The following PPM1L variants were observed in gnomAD, a reference collection of about 807,000 sequenced individuals.
PPM1L encodes the protein protein phosphatase, Mg2+/Mn2+ dependent 1L, also known as protein phosphatase 1L.
In PPM1L, 13 loss-of-function variants were observed where a neutral mutation model predicts 31.4. That is an observed-to-expected ratio of 0.41 (90% confidence interval 0.27 to 0.66). PPM1L has a LOEUF of 0.66. PPM1L is among the 30% of genes least tolerant of loss of function. PPM1L has a pLI of 0.29. For synonymous variants in PPM1L, 184 were observed against 175.4 expected, an observed-to-expected ratio of 1.05 and a Z score of -0.39; for missense variants, 326 against 453.7, an observed-to-expected ratio of 0.72 and a Z score of 2.56.
chr3:160,832,768 T>G (rs913436059), intron 1 of PPM1L, among the ~76,000 whole-genome samples: 2 of 152,342 alleles, frequency 1.3e-5, no homozygotes, highest in African/African-American at 2.4e-5. Context: ...TAATTTTTAT[T>G]TTTATTTTAA....
chr3:160,934,403 C>T (rs1389993222), intron 1 of PPM1L, among the ~76,000 whole-genome samples: 1 of 152,112 alleles, frequency 6.6e-6, no homozygotes, highest in African/African-American at 2.4e-5. Flanking sequence ...TTGTTTTTTT[C>T]TCTTCCCTTC....
rs571805799 is a variant in PPM1L at position 160,791,016 on chromosome 3, A to G, written c.399+34309A>G. ...TTAAGTCATCCTTTAGTTTAAAGAGAGATCCAGAAGGTCTTTTGACTTGTA... is the reference window on the plus strand; with the variant it reads ...TTAAGTCATCCTTTAGTTTAAAGAGGGATCCAGAAGGTCTTTTGACTTGTA... On this transcript the variant is annotated intron_variant, in intron 1 of 3. Coordinates refer to ENST00000498165, the MANE Select transcript of PPM1L (RefSeq NM_139245.4). Among the ~76,000 whole-genome samples, 4 of 152,194 alleles carry G rather than the reference A, an allele frequency of 2.6e-5. No individual in the cohort carries two copies. The East Asian group carries it at 7.7e-4, about 29-fold the overall frequency.
At chr3:160,900,058 T>C (rs1713486677) in intron 1 of PPM1L, among the ~76,000 whole-genome samples, 1 of 152,174 alleles carries the variant, frequency 6.6e-6, no homozygotes, top group Non-Finnish European at 1.5e-5. Flanking sequence ...GTGATTATTA[T>C]GTCTTCTTGG....
rs553222135 is a variant in PPM1L at position 160,867,084 on chromosome 3, C to T, written c.400-94652C>T. On this transcript the variant is annotated intron_variant, in intron 1 of 3. Coordinates refer to ENST00000498165, the MANE Select transcript of PPM1L (RefSeq NM_139245.4). ...TGAACTCCTTGGCTCAAGTGGTATA[C>T]CTACTTTGGCCTCCCAAAGTGCTGG... Among the ~76,000 whole-genome samples the T allele has an allele frequency of 2.6e-5, 4 of 152,258 alleles. No homozygotes were observed. In the South Asian group the frequency reaches 8.3e-4, roughly 32 times the overall value.
At chr3:160,830,009 A>T (rs1361785628) in intron 1 of PPM1L, among the ~76,000 whole-genome samples, 1 of 152,160 alleles carries the variant, frequency 6.6e-6, no homozygotes, top group Non-Finnish European at 1.5e-5. Flanking sequence ...TGTCACATAA[A>T]CAGGGCTGAA....
intron 3 of PPM1L, among the ~76,000 whole-genome samples, chr3:161,067,517 CCAA>C (rs1021438927): frequency 2.4e-4 from 37 of 152,350 alleles, no homozygotes; most frequent in African/African-American, 6.7e-4. Flanking sequence ...TATACTGTTT[CCAA>C]CAACAACATT....
intron 2 of PPM1L, among the ~76,000 whole-genome samples, chr3:161,046,100 G>T (rs1464802708): frequency 1.1e-5 from 1 of 89,468 alleles, no homozygotes; most frequent in Non-Finnish European, 1.9e-5. Flanking sequence ...GACAGAGCGA[G>T]ACTCTGTCTC....
chr3:160,930,903 C>G (rs1714765189), intron 1 of PPM1L, among the ~76,000 whole-genome samples: 1 of 152,036 alleles, frequency 6.6e-6, no homozygotes, highest in Admixed American at 6.6e-5. Context: ...TCAAGATTAC[C>G]CCTTGAATTT....
chr3:161,043,068 G>C (rs6808311), intron 2 of PPM1L, among the ~76,000 whole-genome samples: 1 of 146,748 alleles, frequency 6.8e-6, no homozygotes, highest in Non-Finnish European at 1.5e-5. Flanking sequence ...ATCAGTGGTT[G>C]ACTTCATTAC....
At chr3:160,802,145 A>G (rs1293774384) in intron 1 of PPM1L, among the ~76,000 whole-genome samples, 1 of 152,168 alleles carries the variant, frequency 6.6e-6, no homozygotes, top group Non-Finnish European at 1.5e-5. Flanking sequence ...GCCTCCTTGC[A>G]TGGGAAAGGC....
intron 1 of PPM1L, among the ~76,000 whole-genome samples, chr3:160,939,261 C>T (rs1475384400): frequency 1.3e-5 from 2 of 152,162 alleles, no homozygotes; most frequent in African/African-American, 2.4e-5. Context: ...TTCCCTCCAG[C>T]TCTATAACTC....
At position 160,879,391 on chromosome 3, in the gene PPM1L, A is replaced by T. The variant is rs575123797; in HGVS notation, c.400-82345A>T. ...TTTTACCCTAGATTATAATTAAGGG[A>T]ATAGATACCTCAAGTGGAGGGAAGT... On this transcript the variant is annotated intron_variant, in intron 1 of 3. Coordinates refer to ENST00000498165, the MANE Select transcript of PPM1L (RefSeq NM_139245.4). 1.1e-4 allele frequency among the ~76,000 whole-genome samples: 17 copies of T among 152,292 alleles called. No individual in the cohort carries two copies. In the South Asian group the frequency reaches 3.5e-3, roughly 32 times the overall value.
At chr3:160,889,071 C>G (rs1217058599) in intron 1 of PPM1L, among the ~76,000 whole-genome samples, 1 of 151,826 alleles carries the variant, frequency 6.6e-6, no homozygotes, top group Admixed American at 6.6e-5. Flanking sequence ...AAATGAACAC[C>G]CTAACATTAC....
chr3:160,763,857 G>C (rs1448305204), intron 1 of PPM1L, among the ~76,000 whole-genome samples: 2 of 152,140 alleles, frequency 1.3e-5, no homozygotes, highest in Non-Finnish European at 2.9e-5. Flanking sequence ...GATGTGATGG[G>C]AGTGGATAAC....
rs948307636 is a variant in PPM1L, at chr3:160,843,372, G to A, written c.399+86665G>A. ...TTTGAATGAGGCCCAACAAAAATTC[G>A]TAAACTTTCTTAAAACATTATGATT... On this transcript the variant is annotated intron_variant, in intron 1 of 3. Transcript: ENST00000498165. 9.8e-5 allele frequency among the ~76,000 whole-genome samples: 13 copies of A among 132,292 alleles called. No individual in the cohort carries two copies. The South Asian group carries it at 9.9e-4, about 10-fold the overall frequency. The allele number at this position is 132,292 out of a possible 152,430, so 86.8% of individuals were successfully genotyped here.
intron 2 of PPM1L, among the ~76,000 whole-genome samples, chr3:160,998,961 G>C (rs910964316): frequency 6.6e-6 from 1 of 152,070 alleles, no homozygotes; most frequent in African/African-American, 2.4e-5. Context: ...AACAAAAAAA[G>C]AAAAGAAAAG....
intron 1 of PPM1L, among the ~76,000 whole-genome samples, chr3:160,920,416 G>T (rs1714346562): frequency 6.6e-6 from 1 of 152,060 alleles, no homozygotes; most frequent in Non-Finnish European, 1.5e-5. Flanking sequence ...GACCCATGTG[G>T]AATTTCTAAA....
chr3:161,024,745 A>G (rs916668071), intron 2 of PPM1L, among the ~76,000 whole-genome samples: 2 of 150,658 alleles, frequency 1.3e-5, no homozygotes, highest in Non-Finnish European at 2.9e-5. Flanking sequence ...TTTTCCAGTG[A>G]GCTCCCAGAC....
At chr3:161,013,669 G>T (rs995385574) in intron 2 of PPM1L, among the ~76,000 whole-genome samples, 2 of 152,134 alleles carry the variant, frequency 1.3e-5, no homozygotes, top group Admixed American at 1.3e-4. Context: ...AAGTCTCTTT[G>T]TAGGTCTCTA....
Sources: gnomAD v4.1 joint callset for allele counts (sites outside exome capture counted in the v4.1 genomes callset) on GRCh38, gnomAD v4.1.1 for gene constraint, MANE v1.5 for transcripts, NCBI Gene and HGNC (gene_info 2026-07-23, HGNC 2026-07-21) for gene names.